The following APBA1 variants were observed in gnomAD, a reference collection of about 807,000 sequenced individuals.
The protein encoded by APBA1 is amyloid beta precursor protein binding family A member 1.
In APBA1, 55 loss-of-function variants were observed where a neutral mutation model predicts 86.6. That is an observed-to-expected ratio of 0.64 (90% CI 0.51 to 0.80). The LOEUF is 0.80. Ranked by LOEUF, APBA1 falls within the 30% of genes least tolerant of loss-of-function variation. APBA1 has a pLI of 0.00. For synonymous variants in APBA1, 511 were observed against 493.9 expected, an observed-to-expected ratio of 1.03 and a Z score of -0.46; for missense variants, 1,090 against 1,183.0, an observed-to-expected ratio of 0.92 and a Z score of 1.15.
intron 1 of APBA1, among the ~76,000 whole-genome samples, chr9:69,636,109 A>T (rs1823152642): frequency 6.6e-6 from 1 of 152,186 alleles, no homozygotes; most frequent in Non-Finnish European, 1.5e-5. Context: ...ATTTCTCAAA[A>T]GAAGACATAC....
At chr9:69,581,021 G>A (rs1821904713) in intron 1 of APBA1, among the ~76,000 whole-genome samples, 1 of 152,092 alleles carries the variant, frequency 6.6e-6, no homozygotes, top group Admixed American at 6.6e-5. Flanking sequence ...GTCATTTCCT[G>A]AGCAGCAGGG....
intron 3 of APBA1, among the ~76,000 whole-genome samples, chr9:69,475,655 G>A (rs1835431956): frequency 6.6e-6 from 1 of 152,234 alleles, no homozygotes; most frequent in South Asian, 2.1e-4. Context: ...GCAACTGCAA[G>A]CCCATGGCAT....
intron 2 of APBA1, among the ~76,000 whole-genome samples, chr9:69,501,673 C>T (rs1015105834): frequency 1.2e-4 from 15 of 123,458 alleles, no homozygotes; most frequent in African/African-American, 4.5e-4. Flanking sequence ...CACACACACA[C>T]ACACACTAGC....
intron 4 of APBA1, among the ~76,000 whole-genome samples, chr9:69,471,127 T>C (rs146000858): frequency 3.2e-4 from 49 of 152,240 alleles, no homozygotes; most frequent in Admixed American, 7.9e-4. Flanking sequence ...CTTCACAGGA[T>C]TGAAGTGAGG....
chr9:69,662,021 A>AACACACACACACACACACACAC (rs3069250), intron 1 of APBA1, among the ~76,000 whole-genome samples: 3 of 146,650 alleles, frequency 2.0e-5, no homozygotes, highest in African/African-American at 7.6e-5. Flanking sequence ...GACAAACAGT[A>AACACACACACACACACACACAC]ACACACACAC....
intron 4 of APBA1, among the ~76,000 whole-genome samples, chr9:69,470,089 T>C (rs1463121579): frequency 6.6e-6 from 1 of 152,152 alleles, no homozygotes; most frequent in Non-Finnish European, 1.5e-5. Flanking sequence ...ATGCCAAGCA[T>C]CCAAGACACA....
At chr9:69,503,246 A>T (rs926201821) in intron 2 of APBA1, among the ~76,000 whole-genome samples, 1 of 152,148 alleles carries the variant, frequency 6.6e-6, no homozygotes, top group Non-Finnish European at 1.5e-5. Context: ...TTTTTCAATT[A>T]AAGCAAAGAA....
Position 69,486,835 on chromosome 9 carries a change from T to C in APBA1, c.1201-10692A>G, listed in dbSNP as rs1425370826. ...CAGCCACAGCTCAGCTCCTACTCTC[T>C]GCCCCGGGAGTAGATATTTTTTTTT... On this transcript the variant is annotated intron_variant, in intron 2 of 12. Transcript: ENST00000265381. Among the ~76,000 whole-genome samples, 3 of 151,396 alleles carry C rather than the reference T, an allele frequency of 2.0e-5. No individual in the cohort carries two copies. In the South Asian group the frequency reaches 6.3e-4, roughly 32 times the overall value.
chr9:69,641,128 G>A (rs561392720), intron 1 of APBA1, among the ~76,000 whole-genome samples: 28 of 152,120 alleles, frequency 1.8e-4, no homozygotes, highest in African/African-American at 6.3e-4. Flanking sequence ...AAGATACAAC[G>A]TCAATATATG....
At chr9:69,440,122 C>T (rs1271540628) in intron 11 of APBA1, among the ~76,000 whole-genome samples, 1 of 152,204 alleles carries the variant, frequency 6.6e-6, no homozygotes, top group African/African-American at 2.4e-5. Context: ...GCAAATGCTG[C>T]TGCCTGATCG....
chr9:69,641,672 G>A (rs1823289059), intron 1 of APBA1, among the ~76,000 whole-genome samples: 2 of 152,184 alleles, frequency 1.3e-5, no homozygotes, highest in South Asian at 4.1e-4. Context: ...AGGGGTATTA[G>A]AACTGAATAT....
intron 1 of APBA1, among the ~76,000 whole-genome samples, chr9:69,602,017 G>C (rs1822359110): frequency 6.6e-6 from 1 of 152,050 alleles, no homozygotes; most frequent in South Asian, 2.1e-4. Flanking sequence ...CAGATGATTT[G>C]GTATAGAAAA....
chr9:69,638,719 C>T (rs1418427845), intron 1 of APBA1, among the ~76,000 whole-genome samples: 1 of 152,148 alleles, frequency 6.6e-6, no homozygotes, highest in Non-Finnish European at 1.5e-5. Context: ...AAAATTTTTA[C>T]TAAGACAAGA....
chr9:69,545,348 A>G (rs1159766008), intron 1 of APBA1, among the ~76,000 whole-genome samples: 1 of 152,242 alleles, frequency 6.6e-6, no homozygotes, highest in Non-Finnish European at 1.5e-5. Flanking sequence ...CTGGCTTTCC[A>G]GTCCCTCATA....
chr9:69,537,869 C>A lies in APBA1; in HGVS notation c.-69-20590G>T, dbSNP rs541266876. Among the ~76,000 whole-genome samples, 103 of 151,834 alleles carry A rather than the reference C, an allele frequency of 6.8e-4. 4 individuals are homozygous for A. The South Asian group carries it at 8.4e-3, about 12-fold the overall frequency. On this transcript the variant is annotated intron_variant, in intron 1 of 12. Coordinates refer to ENST00000265381, the MANE Select transcript of APBA1 (RefSeq NM_001163.4). Reference sequence around the variant, plus strand: ...CTGTCACATTGTTGCAAATGTTTTCCCCCAGTGTATCATCTGTCTTTTGAC... The same window carrying A: ...CTGTCACATTGTTGCAAATGTTTTCACCCAGTGTATCATCTGTCTTTTGAC...
At chr9:69,656,078 C>A (rs1003815623) in intron 1 of APBA1, among the ~76,000 whole-genome samples, 1 of 152,172 alleles carries the variant, frequency 6.6e-6, no homozygotes, top group African/African-American at 2.4e-5. Flanking sequence ...AACACTACTA[C>A]ACACTTAGCA....
chr9:69,454,992 A>C (rs976387534), intron 8 of APBA1, among the ~76,000 whole-genome samples: 2 of 152,156 alleles, frequency 1.3e-5, no homozygotes, highest in African/African-American at 4.8e-5. Context: ...TCTAGAGAAC[A>C]AGACCAATAA....
At chr9:69,598,336 T>C (rs1411284993) in intron 1 of APBA1, among the ~76,000 whole-genome samples, 1 of 151,948 alleles carries the variant, frequency 6.6e-6, no homozygotes. Flanking sequence ...TAATGCTAGG[T>C]GACGAGTTAG....
At chr9:69,505,008 G>A (rs1230737169) in intron 2 of APBA1, among the ~76,000 whole-genome samples, 1 of 151,990 alleles carries the variant, frequency 6.6e-6, no homozygotes, top group Non-Finnish European at 1.5e-5. Flanking sequence ...TTGGGCCTTT[G>A]TTGGGGGGCG....
Sources: allele counts gnomAD v4.1 joint callset (sites outside exome capture counted in the v4.1 genomes callset), GRCh38; gene constraint gnomAD v4.1.1; transcripts MANE v1.5; gene names NCBI Gene and HGNC (gene_info 2026-07-23, HGNC 2026-07-21).